The following SLC35F3 variants were observed in gnomAD, a reference collection of about 807,000 sequenced individuals.
SLC35F3 encodes the protein putative thiamine transporter SLC35F3.
In SLC35F3, 25 loss-of-function variants were observed where a neutral mutation model predicts 49.9. The observed-to-expected ratio is 0.50, with a 90% CI of 0.37 to 0.70. The LOEUF is 0.70. SLC35F3 is among the 30% of genes least tolerant of loss of function. The pLI is 0.00. For synonymous variants in SLC35F3, 275 were observed against 265.4 expected (o/e 1.04, Z -0.35); for missense variants, 525 against 639.8 (o/e 0.82, Z 1.94).
chr1:234,134,688 T>C (rs916717891), intron 2 of SLC35F3, among the ~76,000 whole-genome samples: 1 of 151,996 alleles, frequency 6.6e-6, no homozygotes, highest in African/African-American at 2.4e-5. Context: ...GATTAAAACC[T>C]TTGTAGTGGG....
intron 2 of SLC35F3, among the ~76,000 whole-genome samples, chr1:233,982,992 C>T (rs372217301): frequency 2.0e-5 from 3 of 152,166 alleles, no homozygotes; most frequent in East Asian, 1.9e-4. Flanking sequence ...CAGGAGCAGG[C>T]GCGTGCCAGG....
At position 234,027,495 on chromosome 1, in the gene SLC35F3, T is replaced by C. The variant is rs1248186890; in HGVS notation, c.283+121737T>C. On this transcript the variant is annotated intron_variant, in intron 2 of 7. Coordinates refer to ENST00000366618, the MANE Select transcript of SLC35F3 (RefSeq NM_173508.4). The surrounding 1 kb of genome is among the most constrained non-coding windows in gnomAD (Gnocchi z 4.1). ...TCAAACCACAGCGATTAACTTTCAATTTCAGTCCATTCGGTAGTGGTTTAA... is the reference window on the plus strand; with the variant it reads ...TCAAACCACAGCGATTAACTTTCAACTTCAGTCCATTCGGTAGTGGTTTAA... Among the ~76,000 whole-genome samples, 2 of 152,224 alleles carry C rather than the reference T, an allele frequency of 1.3e-5. No individual in the cohort carries two copies. Among genetic ancestry groups the C allele is most frequent in the Non-Finnish European group, 1.5e-5 (1 of 68,040 alleles).
chr1:234,101,611 A>C (rs934436841), intron 2 of SLC35F3, among the ~76,000 whole-genome samples: 1 of 152,228 alleles, frequency 6.6e-6, no homozygotes, highest in Admixed American at 6.5e-5. Context: ...GTAAGTGCTT[A>C]AAAAATGTTG....
chr1:233,941,533 C>T (rs897539823), intron 2 of SLC35F3, among the ~76,000 whole-genome samples: 4 of 152,300 alleles, frequency 2.6e-5, no homozygotes, highest in Admixed American at 2.0e-4. Flanking sequence ...GTGGCTGATA[C>T]ACAGTTTGTG....
intron 2 of SLC35F3, among the ~76,000 whole-genome samples, chr1:234,009,578 C>A (rs1302790088): frequency 6.6e-6 from 1 of 152,210 alleles, no homozygotes; most frequent in South Asian, 2.1e-4. Context: ...CTCCCAACCA[C>A]CCTACTCAGC....
At chr1:234,209,538 T>C (rs143518949) in intron 2 of SLC35F3, among the ~76,000 whole-genome samples, 9 of 152,226 alleles carry the variant, frequency 5.9e-5, no homozygotes, top group Admixed American at 1.3e-4. Flanking sequence ...GGAATATCCA[T>C]ATTCATATGG....
At chr1:234,225,646 C>T (rs1457290537) in intron 2 of SLC35F3, among the ~76,000 whole-genome samples, 1 of 152,174 alleles carries the variant, frequency 6.6e-6, no homozygotes, top group Non-Finnish European at 1.5e-5. Flanking sequence ...AGTAGGTGGT[C>T]AAATAAGATT....
At chr1:233,953,735 G>C (rs1328191151) in intron 2 of SLC35F3, among the ~76,000 whole-genome samples, 3 of 152,180 alleles carry the variant, frequency 2.0e-5, no homozygotes, top group Non-Finnish European at 4.4e-5. Flanking sequence ...AATGTACAGA[G>C]AGAAAATCAG....
At chr1:234,128,957 T>G (rs559075763) in intron 2 of SLC35F3, among the ~76,000 whole-genome samples, 1 of 152,274 alleles carries the variant, frequency 6.6e-6, no homozygotes, top group South Asian at 2.1e-4. Flanking sequence ...AAATTGTCCA[T>G]AAAACACAGT....
At chr1:234,222,886 A>G (rs1373618550) in intron 2 of SLC35F3, among the ~76,000 whole-genome samples, 1 of 152,172 alleles carries the variant, frequency 6.6e-6, no homozygotes, top group African/African-American at 2.4e-5. Context: ...CACCAGGTAA[A>G]CCAACTGGTG....
chr1:233,948,365 T>C (rs1455157884), intron 2 of SLC35F3, among the ~76,000 whole-genome samples: 1 of 152,008 alleles, frequency 6.6e-6, no homozygotes, highest in East Asian at 1.9e-4. Flanking sequence ...CCATCTTTGA[T>C]CTTGCTGGGA....
chr1:234,289,781 C>G (rs1164170826), intron 3 of SLC35F3, among the ~76,000 whole-genome samples: 1 of 152,186 alleles, frequency 6.6e-6, no homozygotes, highest in Non-Finnish European at 1.5e-5. Flanking sequence ...CAGTACCACA[C>G]AGATAGTATT....
At chr1:234,285,686 G>A (rs1488121303) in intron 3 of SLC35F3, 1 of 227,970 alleles carries the variant, frequency 4.4e-6, no homozygotes, top group Non-Finnish European at 8.6e-6. Flanking sequence ...TATTAACATA[G>A]GTAGTGATTA....
intron 2 of SLC35F3, among the ~76,000 whole-genome samples, chr1:234,178,939 T>A (rs1193323825): frequency 6.6e-6 from 1 of 152,182 alleles, no homozygotes; most frequent in African/African-American, 2.4e-5. Context: ...AAATTACTGA[T>A]CTTATACTAT....
rs1364374995 is a variant in SLC35F3, at chr1:234,131,621, G to A, written c.284-99796G>A. ...ATCCGTCTGAGCTCACAGTTGTAGC[G>A]AGCAAGGAAGGGATTCAACATCTCT... On this transcript the variant is annotated intron_variant, in intron 2 of 7. Coordinates refer to ENST00000366618, the MANE Select transcript of SLC35F3 (RefSeq NM_173508.4). Among the ~76,000 whole-genome samples the A allele has an allele frequency of 3.3e-5, 5 of 152,202 alleles. No homozygotes were observed. In the South Asian group the frequency reaches 8.3e-4, roughly 25 times the overall value.
At chr1:234,256,727 A>G (rs1367016034) in intron 3 of SLC35F3, among the ~76,000 whole-genome samples, 1 of 152,244 alleles carries the variant, frequency 6.6e-6, no homozygotes, top group African/African-American at 2.4e-5. Flanking sequence ...GGGACCCACA[A>G]AGGAGCATGA....
At chr1:234,011,371 T>C (rs997767936) in intron 2 of SLC35F3, among the ~76,000 whole-genome samples, 5 of 152,342 alleles carry the variant, frequency 3.3e-5, no homozygotes, top group African/African-American at 1.2e-4. Flanking sequence ...TCTGCATTTG[T>C]ATAATTATTG....
intron 2 of SLC35F3, among the ~76,000 whole-genome samples, chr1:234,193,112 C>A (rs1375249874): frequency 6.6e-6 from 1 of 151,976 alleles, no homozygotes; most frequent in African/African-American, 2.4e-5. Context: ...ACATGTGGAA[C>A]CAAAAAAGAG....
Position 234,236,925 on chromosome 1 carries a change from T to TTATATATATATA in SLC35F3, c.608+5212_608+5223dup, listed in dbSNP as rs55846915. ...AGACAGTCTCCTATTAAAAAAAAAA[T>TTATATATATATA]TATATATATATATATATATATATAT... On this transcript the variant is annotated intron_variant, in intron 3 of 7. Coordinates refer to ENST00000366618, the MANE Select transcript of SLC35F3 (RefSeq NM_173508.4). Among the ~76,000 whole-genome samples the TTATATATATATA allele has an allele frequency of 8.7e-3, 834 of 96,022 alleles. 50 individuals are homozygous for TTATATATATATA. Among genetic ancestry groups the TTATATATATATA allele is most frequent in the East Asian group, 0.012 (22 of 1,904 alleles). 63.0% of individuals were successfully genotyped at this position (96,022 alleles called of 152,430 possible).
Sources: allele counts gnomAD v4.1 joint callset (sites outside exome capture counted in the v4.1 genomes callset), GRCh38; gene constraint gnomAD v4.1.1; non-coding constraint Gnocchi (gnomAD v3.1); transcripts MANE v1.5; gene names NCBI Gene and HGNC (gene_info 2026-07-23, HGNC 2026-07-21).